The following PTPRD variants were observed in gnomAD, a reference collection of about 807,000 sequenced individuals.
The protein encoded by PTPRD is receptor-type tyrosine-protein phosphatase delta.
A neutral mutation model predicts 214.5 loss-of-function variants in PTPRD; 34 were observed. That is an observed-to-expected ratio of 0.16 (90% CI 0.12 to 0.21). The LOEUF (loss-of-function observed/expected upper bound fraction) is 0.21, where lower values mean the gene tolerates loss of function less well. PTPRD is among the 10% of genes least tolerant of loss of function. The pLI is 1.00. For missense variants in PTPRD, 2,545 were observed against 2,398.7 expected (o/e 1.06, Z -1.27); for synonymous variants, 1,128 against 845.7 (o/e 1.33, Z -5.79).
Position 8,409,395 on chromosome 9 carries a change from GT to G in PTPRD, c.4087-4736del, listed in dbSNP as rs2093334064. Among the ~76,000 whole-genome samples the G allele has an allele frequency of 2.0e-5, 3 of 152,116 alleles. No individual in the cohort carries two copies. The South Asian group carries it at 6.2e-4, about 32-fold the overall frequency. ...TTAAGCTGGAGAAGATTCCTTGAAG[GT>G]TTCACACTTGCCTTTCAACTATTCT... On this transcript the variant is annotated intron_variant, in intron 35 of 45. Transcript: ENST00000381196.
At chr9:9,132,605 T>C (rs2099844485) in intron 10 of PTPRD, among the ~76,000 whole-genome samples, 1 of 152,182 alleles carries the variant, frequency 6.6e-6, no homozygotes, top group South Asian at 2.1e-4. Flanking sequence ...ATTCTATTAA[T>C]AAAAATAAAC....
chr9:10,584,522 TTC>T (rs2073250056), intron 2 of PTPRD, among the ~76,000 whole-genome samples: 2 of 152,184 alleles, frequency 1.3e-5, no homozygotes, highest in African/African-American at 4.8e-5. Context: ...CAGCTGACAT[TTC>T]TGATTCTTTG....
intron 35 of PTPRD, among the ~76,000 whole-genome samples, chr9:8,420,933 C>T (rs2094317900): frequency 6.6e-6 from 1 of 151,636 alleles, no homozygotes; most frequent in South Asian, 2.1e-4. Flanking sequence ...TGTACAGGAT[C>T]ACTGTCAGGG....
chr9:9,904,849 T>G (rs891854353), intron 5 of PTPRD, among the ~76,000 whole-genome samples: 1 of 152,068 alleles, frequency 6.6e-6, no homozygotes, highest in African/African-American at 2.4e-5. Context: ...AAATCGTAGG[T>G]GGGCAATGAT....
At chr9:8,995,244 A>T (rs1467969257) in intron 11 of PTPRD, among the ~76,000 whole-genome samples, 3 of 152,110 alleles carry the variant, frequency 2.0e-5, no homozygotes, top group African/African-American at 7.2e-5. Flanking sequence ...TAATTACTTT[A>T]TTGGTTGTGA....
chr9:9,632,037 G>A (rs1261563997), intron 7 of PTPRD, among the ~76,000 whole-genome samples: 1 of 152,140 alleles, frequency 6.6e-6, no homozygotes, highest in African/African-American at 2.4e-5. Flanking sequence ...CAATGCAAAA[G>A]ATACTAGGAA....
At chr9:8,793,821 A>T (rs933271962) in intron 11 of PTPRD, among the ~76,000 whole-genome samples, 1 of 152,218 alleles carries the variant, frequency 6.6e-6, no homozygotes, top group Admixed American at 6.5e-5. Context: ...TAGATACACT[A>T]TGTATCTAGG....
chr9:10,028,610 C>T (rs2096978009), intron 4 of PTPRD, among the ~76,000 whole-genome samples: 1 of 152,090 alleles, frequency 6.6e-6, no homozygotes, highest in Non-Finnish European at 1.5e-5. Context: ...GTGACTTTTG[C>T]TATTTCTTAC....
chr9:10,574,482 T>C (rs1298202222), intron 2 of PTPRD, among the ~76,000 whole-genome samples: 5 of 151,996 alleles, frequency 3.3e-5, no homozygotes, highest in African/African-American at 1.2e-4. Context: ...ATCACCCCTG[T>C]CTTCAGGTTC....
At chr9:8,857,930 T>G in intron 11 of PTPRD, among the ~76,000 whole-genome samples, 2 of 23,296 alleles carry the variant, frequency 8.6e-5, no homozygotes, top group East Asian at 1.3e-3. Context: ...CCTCCACCCC[T>G]ACCCCCTTTT....
At chr9:10,558,381 T>G (rs2063097195) in intron 2 of PTPRD, among the ~76,000 whole-genome samples, 1 of 152,118 alleles carries the variant, frequency 6.6e-6, no homozygotes, top group Non-Finnish European at 1.5e-5. Context: ...TAAAAGTAAT[T>G]TGACTTTAAG....
intron 12 of PTPRD, among the ~76,000 whole-genome samples, chr9:8,702,901 C>A (rs2098122050): frequency 6.6e-6 from 1 of 152,200 alleles, no homozygotes. Context: ...GCCACTGCGC[C>A]CGGCCATAAG....
chr9:8,443,773 A>T (rs1216620723), intron 34 of PTPRD, among the ~76,000 whole-genome samples: 1 of 152,166 alleles, frequency 6.6e-6, no homozygotes, highest in East Asian at 1.9e-4. Flanking sequence ...GTGCACCACC[A>T]ATGCTACCAG....
chr9:9,346,192 T>C (rs1032104305), intron 9 of PTPRD, among the ~76,000 whole-genome samples: 1 of 151,914 alleles, frequency 6.6e-6, no homozygotes, highest in African/African-American at 2.4e-5. Context: ...CCTAAAGGAG[T>C]CTAGTGATCT....
chr9:9,715,767 T>G (rs867243890), intron 7 of PTPRD, among the ~76,000 whole-genome samples: 38 of 152,220 alleles, frequency 2.5e-4, no homozygotes, highest in African/African-American at 9.2e-4. Context: ...AGCTGAAGAC[T>G]ATTGTGTATT....
At chr9:8,518,971 T>C (rs1371475984) in intron 20 of PTPRD, among the ~76,000 whole-genome samples, 4 of 152,084 alleles carry the variant, frequency 2.6e-5, no homozygotes, top group African/African-American at 7.2e-5. Context: ...CCGATAAACA[T>C]TGAAAAGAAC....
chr9:9,366,838 A>C (rs1472066397), intron 9 of PTPRD, among the ~76,000 whole-genome samples: 2 of 151,492 alleles, frequency 1.3e-5, no homozygotes, highest in Non-Finnish European at 1.5e-5. Flanking sequence ...AAATACATTA[A>C]GGTAAAAAAA....
intron 3 of PTPRD, among the ~76,000 whole-genome samples, chr9:10,200,052 G>GTAAAA (rs2099413439): frequency 6.6e-6 from 1 of 151,956 alleles, no homozygotes; most frequent in Non-Finnish European, 1.5e-5. Flanking sequence ...CTATACAGAT[G>GTAAAA]TGTAAAAATT....
intron 7 of PTPRD, among the ~76,000 whole-genome samples, chr9:9,580,493 T>G (rs950041841): frequency 6.6e-6 from 1 of 152,046 alleles, no homozygotes; most frequent in Admixed American, 6.6e-5. Context: ...TGTTGGCCAT[T>G]TGTATGTTTT....
Sources: gnomAD v4.1 joint callset for allele counts (sites outside exome capture counted in the v4.1 genomes callset) on GRCh38, gnomAD v4.1.1 for gene constraint, MANE v1.5 for transcripts, NCBI Gene and HGNC (gene_info 2026-07-23, HGNC 2026-07-21) for gene names.